FBXL2: variants seen among roughly 807,000 people sequenced by gnomAD.
FBXL2 encodes F-box and leucine rich repeat protein 2.
A neutral mutation model predicts 69.2 loss-of-function variants in FBXL2; 38 were observed. That is an observed-to-expected ratio of 0.55 (90% CI 0.42 to 0.72). The LOEUF (loss-of-function observed/expected upper bound fraction) is 0.72, where lower values mean the gene tolerates loss of function less well. Ranked by LOEUF, FBXL2 falls within the 30% of genes least tolerant of loss-of-function variation. The pLI is 0.00. For synonymous variants in FBXL2, 192 were observed against 201.3 expected (o/e 0.95, Z 0.39); for missense variants, 354 against 520.3 (o/e 0.68, Z 3.11).
chr3:33,392,770 C>T (rs1028665031), downstream of FBXL2: 8 of 648,718 alleles, frequency 1.2e-5, no homozygotes, highest in East Asian at 2.8e-5. Context: ...AAGATGCACA[C>T]GTGCTGCACT....
rs546067888 is a variant in FBXL2 at position 33,277,788 on chromosome 3, C to T, written c.3+273C>T. Reference sequence around the variant, plus strand: ...ACAGCCCGGACCCCCACCCAGTGGGCCGCCGGACGACGTGACGCTGTTTGG... The same window carrying T: ...ACAGCCCGGACCCCCACCCAGTGGGTCGCCGGACGACGTGACGCTGTTTGG... On this transcript the variant is annotated intron_variant, in intron 1 of 14. Coordinates refer to ENST00000484457, the MANE Select transcript of FBXL2 (RefSeq NM_012157.5). 5.3e-5 allele frequency among the ~76,000 whole-genome samples: 8 copies of T among 152,164 alleles called. No homozygotes were observed. In the South Asian group the frequency reaches 1.5e-3, roughly 28 times the overall value.
chr3:33,359,211 ACTTT>A (rs1462638452), intron 3 of FBXL2, 68 bp from the exon 4 acceptor site: 15 of 1,340,436 alleles, frequency 1.1e-5, no homozygotes, highest in Non-Finnish European at 1.6e-5. Context: ...GTTAATCAAG[ACTTT>A]CTTTAATAGT....
Position 33,345,239 on chromosome 3 carries a change from T to G in FBXL2, c.66-13728T>G, listed in dbSNP as rs117659915. Among the ~76,000 whole-genome samples, 3 of 152,310 alleles carry G rather than the reference T, an allele frequency of 2.0e-5. No homozygotes were observed. In the East Asian group the frequency reaches 5.8e-4, roughly 29 times the overall value. On this transcript the variant is annotated intron_variant, in intron 2 of 14. Coordinates refer to ENST00000484457, the MANE Select transcript of FBXL2 (RefSeq NM_012157.5). ...TTTTTTTGGCTGTGTCACTCATCAG[T>G]CTGGGCCTCTGTGGTCACATTGCCT...
intron 5 of FBXL2, among the ~76,000 whole-genome samples, chr3:33,368,407 CTA>C (rs1313674876): frequency 6.6e-6 from 1 of 152,122 alleles, no homozygotes; most frequent in Non-Finnish European, 1.5e-5. Flanking sequence ...TTTAGAATTG[CTA>C]TGTCTTTTTC....
chr3:33,403,714 T>A (rs989756902), downstream of FBXL2: 1 of 152,220 alleles, frequency 6.6e-6, no homozygotes, highest in Non-Finnish European at 1.5e-5. Context: ...GGAGATACAC[T>A]ATTACAATTA....
In FBXL2 at chr3:33,385,690, C is replaced by T; in HGVS notation, c.*82C>T. ...GTCTTCCTGACCGACTCCACCATCA[C>T]CCAATCTGTTGATTCTCCATTGGGA... On this transcript the variant is annotated 3_prime_UTR_variant, in exon 15 of 15. Transcript: ENST00000484457. 9.2e-7 allele frequency: 1 copy of T among 1,091,084 alleles called. No homozygotes were observed. The highest frequency in any genetic ancestry group is 1.4e-6 in the Non-Finnish European group (1 of 714,128). 67.6% of individuals were successfully genotyped at this position (1,091,084 alleles called of 1,614,324 possible). A position where few individuals can be genotyped will look rare whatever the true frequency, so the allele number is the denominator to read the frequency against.
chr3:33,298,300 T>C (rs1273581607), intron 2 of FBXL2, among the ~76,000 whole-genome samples: 2 of 152,218 alleles, frequency 1.3e-5, no homozygotes, highest in African/African-American at 4.8e-5. Flanking sequence ...TTGTTTTTAC[T>C]AAGTAAAGCT....
downstream of FBXL2, chr3:33,388,328 GAC>G (rs1043597760): frequency 7.9e-5 from 12 of 152,616 alleles, no homozygotes; most frequent in African/African-American, 2.9e-4. Flanking sequence ...TTTTAAATGA[GAC>G]ACACATTTGC....
At chr3:33,413,894 C>T in the FBXL2 span, among the ~76,000 whole-genome samples, 1 of 152,182 alleles carries the variant, frequency 6.6e-6, no homozygotes, top group Non-Finnish European at 1.5e-5. Flanking sequence ...GCCCCTAAGA[C>T]ACCAATGCCA....
chr3:33,402,173 G>A (rs1007884558), intron 12 of FBXL2, among the ~76,000 whole-genome samples: 1 of 152,164 alleles, frequency 6.6e-6, no homozygotes, highest in African/African-American at 2.4e-5. Flanking sequence ...CTGCAGCAAA[G>A]CCCTAGAATG....
chr3:33,382,887 T>C (rs1006474014), intron 13 of FBXL2: 4 of 152,292 alleles, frequency 2.6e-5, no homozygotes, highest in Non-Finnish European at 1.5e-5. Context: ...CCCAATTCCA[T>C]CTGCATCTAC....
At chr3:33,368,383 T>C (rs2042084851) in intron 5 of FBXL2, among the ~76,000 whole-genome samples, 2 of 152,256 alleles carry the variant, frequency 1.3e-5, no homozygotes, top group Non-Finnish European at 2.9e-5. Context: ...GCTCTGTTAC[T>C]ATGTATATAA....
intron 14 of FBXL2, among the ~76,000 whole-genome samples, chr3:33,384,700 C>G (rs971903487): frequency 6.6e-6 from 1 of 152,080 alleles, no homozygotes; most frequent in African/African-American, 2.4e-5. Context: ...TGAGTTGGGT[C>G]TGGGCTGGAG....
At chr3:33,281,631 C>T (rs767086666) in intron 1 of FBXL2, among the ~76,000 whole-genome samples, 3 of 152,146 alleles carry the variant, frequency 2.0e-5, no homozygotes, top group Non-Finnish European at 4.4e-5. Context: ...CTGTCTTCCA[C>T]AATGGTTGAA....
chr3:33,299,642 G>A (rs755846715), intron 2 of FBXL2, among the ~76,000 whole-genome samples: 1 of 152,042 alleles, frequency 6.6e-6, no homozygotes, highest in Non-Finnish European at 1.5e-5. Context: ...CACATTTCAG[G>A]GACTTCAGAG....
chr3:33,378,031 G>C, intron 11 of FBXL2, 72 bp from the exon 12 acceptor site: 1 of 1,437,196 alleles, frequency 7.0e-7, no homozygotes, highest in Non-Finnish European at 9.8e-7. Flanking sequence ...ATACTCAGAG[G>C]GATAGGGCAA....
intron 1 of FBXL2, among the ~76,000 whole-genome samples, chr3:33,286,901 A>T (rs2034687041): frequency 6.6e-6 from 1 of 152,186 alleles, no homozygotes; most frequent in Non-Finnish European, 1.5e-5. Flanking sequence ...GCAGTATTAG[A>T]GTGGGAGTGT....
At position 33,387,354 on chromosome 3, in the gene FBXL2, C is replaced by T. The variant is rs914887919; in HGVS notation, c.*1746C>T. 2 of 152,226 alleles carry T rather than the reference C, an allele frequency of 1.3e-5. No individual in the cohort carries two copies. The highest frequency in any genetic ancestry group is 2.9e-5 in the Non-Finnish European group (2 of 68,056). The allele number at this position is 152,226 out of a possible 1,614,324, so 9.4% of individuals were successfully genotyped here. A position where few individuals can be genotyped will look rare whatever the true frequency, so the allele number is the denominator to read the frequency against. ...CGGTGGTTCATGCCTATAATCCCAG[C>T]ACTTGGGGAGGCCAAGGCGGGTGGA... On this transcript the variant is annotated 3_prime_UTR_variant, in exon 15 of 15. Transcript: ENST00000484457.
At chr3:33,309,238 T>G (rs2036977700) in intron 2 of FBXL2, among the ~76,000 whole-genome samples, 1 of 152,218 alleles carries the variant, frequency 6.6e-6, no homozygotes, top group Non-Finnish European at 1.5e-5. Flanking sequence ...TATATTGCAG[T>G]CTATGGCTCC....
Sources: allele counts gnomAD v4.1 joint callset (sites outside exome capture counted in the v4.1 genomes callset), GRCh38; gene constraint gnomAD v4.1.1; transcripts MANE v1.5; gene names NCBI Gene and HGNC (gene_info 2026-07-23, HGNC 2026-07-21).